The following SYT1 variants were observed in gnomAD, a reference collection of about 807,000 sequenced individuals.
SYT1 encodes the protein synaptotagmin 1.
Under a neutral mutation model 44.8 loss-of-function variants are expected in SYT1, and 8 were observed. That is an observed-to-expected ratio of 0.18 (90% CI 0.10 to 0.32). The LOEUF (loss-of-function observed/expected upper bound fraction) is 0.32. Ranked by LOEUF, SYT1 falls within the 10% of genes least tolerant of loss-of-function variation. The probability of loss-of-function intolerance (pLI) is 1.00; values close to 1 mark genes in which losing one functional copy is unlikely to be tolerated. For synonymous variants in SYT1, 154 were observed against 188.8 expected (o/e 0.82, Z 1.51); for missense variants, 286 against 509.3 (o/e 0.56, Z 4.22).
intron 8 of SYT1, among the ~76,000 whole-genome samples, chr12:79,343,990 C>T (rs1004267776): frequency 2.6e-5 from 4 of 152,088 alleles, no homozygotes; most frequent in African/African-American, 9.7e-5. Context: ...TAGTTCAGTC[C>T]AGTAAAACAG....
chr12:79,406,857 G>A (rs1441071020), intron 9 of SYT1, among the ~76,000 whole-genome samples: 1 of 152,098 alleles, frequency 6.6e-6, no homozygotes, highest in Admixed American at 6.6e-5. Flanking sequence ...GCACATGTCA[G>A]CCCTCCCGGA....
At chr12:79,280,588 T>C (rs1212207989) in intron 4 of SYT1, among the ~76,000 whole-genome samples, 4 of 151,946 alleles carry the variant, frequency 2.6e-5, no homozygotes, top group Non-Finnish European at 5.9e-5. Flanking sequence ...CTTCTCAACA[T>C]TGGTGTAGGT....
intron 9 of SYT1, among the ~76,000 whole-genome samples, chr12:79,356,802 G>C (rs1883132092): frequency 6.6e-6 from 1 of 152,162 alleles, no homozygotes; most frequent in African/African-American, 2.4e-5. Flanking sequence ...GATGCTATGA[G>C]AAATAAATGA....
chr12:79,383,080 C>T (rs977603472), intron 9 of SYT1, among the ~76,000 whole-genome samples: 1 of 152,174 alleles, frequency 6.6e-6, no homozygotes, highest in African/African-American at 2.4e-5. Flanking sequence ...GGAACAGACA[C>T]ATATACAGTC....
chr12:79,078,727 T>C (rs1450377503), intron 3 of SYT1, among the ~76,000 whole-genome samples: 2 of 152,122 alleles, frequency 1.3e-5, no homozygotes, highest in East Asian at 1.9e-4. Context: ...CAGTGTGTGT[T>C]GTTCCCTCCA....
chr12:79,150,516 A>G (rs1357247056), intron 3 of SYT1, among the ~76,000 whole-genome samples: 1 of 152,152 alleles, frequency 6.6e-6, no homozygotes, highest in African/African-American at 2.4e-5. Context: ...TAAGTTTTTG[A>G]GATGTAGTGG....
Position 79,264,183 on chromosome 12 carries a change from C to CTT in SYT1, c.167-21590_167-21589dup, listed in dbSNP as rs199984501. Among the ~76,000 whole-genome samples, 502 of 141,232 alleles carry CTT rather than the reference C, an allele frequency of 3.6e-3. 3 individuals are homozygous for CTT. Among genetic ancestry groups the CTT allele is most frequent in the African/African-American group, 0.012 (464 of 38,630 alleles). The allele number at this position is 141,232 out of a possible 152,430, so 92.7% of individuals were successfully genotyped here. A position where few individuals can be genotyped will look rare whatever the true frequency, so the allele number is the denominator to read the frequency against. ...CTGCATGAAATAATAAGCCCAGCAA[C>CTT]TTTTTTTTTTTTTTTGAGATGGAGT... On this transcript the variant is annotated intron_variant, in intron 4 of 10. Transcript: ENST00000261205.
chr12:79,352,196 CA>C lies in SYT1; in HGVS notation c.811-1296del, dbSNP rs398020269. Reference sequence around the variant, plus strand: ...GGATATAATGAATACACCCCCCCCCCAAAAAAAAAACGGGGGGGAATTACAT... The same window carrying C: ...GGATATAATGAATACACCCCCCCCCCAAAAAAAAACGGGGGGGAATTACAT... On this transcript the variant is annotated intron_variant, in intron 8 of 10. Coordinates refer to ENST00000261205, the MANE Select transcript of SYT1 (RefSeq NM_005639.3). 2.6e-3 allele frequency among the ~76,000 whole-genome samples: 336 copies of C among 128,274 alleles called. 1 individual carries two copies. Among genetic ancestry groups the C allele is most frequent in the East Asian group, 6.1e-3 (28 of 4,596 alleles). 84.2% of individuals were successfully genotyped at this position (128,274 alleles called of 152,430 possible). A position where few individuals can be genotyped will look rare whatever the true frequency, so the allele number is the denominator to read the frequency against.
chr12:79,408,462 AG>A (rs1868313814), intron 9 of SYT1, among the ~76,000 whole-genome samples: 1 of 152,172 alleles, frequency 6.6e-6, no homozygotes, highest in African/African-American at 2.4e-5. Flanking sequence ...TCGGAGATAC[AG>A]TGCACATTCT....
chr12:79,082,477 C>T (rs1877100841), intron 3 of SYT1, among the ~76,000 whole-genome samples: 1 of 152,108 alleles, frequency 6.6e-6, no homozygotes, highest in South Asian at 2.1e-4. Context: ...GACATGATCC[C>T]TATCCTCAGG....
intron 9 of SYT1, among the ~76,000 whole-genome samples, chr12:79,421,933 C>A (rs991458892): frequency 5.9e-5 from 9 of 151,942 alleles, no homozygotes; most frequent in African/African-American, 2.2e-4. Context: ...TTTGTGAATA[C>A]TTTTCCTGTT....
intron 9 of SYT1, among the ~76,000 whole-genome samples, chr12:79,361,191 A>G (rs1228387426): frequency 6.6e-6 from 1 of 152,156 alleles, no homozygotes; most frequent in Non-Finnish European, 1.5e-5. Context: ...GAGCCCAGAC[A>G]CTGTTCTAAA....
At chr12:79,327,730 A>G (rs1881667594) in intron 8 of SYT1, among the ~76,000 whole-genome samples, 1 of 152,226 alleles carries the variant, frequency 6.6e-6, no homozygotes, top group Non-Finnish European at 1.5e-5. Flanking sequence ...TGAGGAAGGG[A>G]TGATGCTATC....
At chr12:79,026,812 A>G (rs561048469) in intron 2 of SYT1, among the ~76,000 whole-genome samples, 8 of 150,566 alleles carry the variant, frequency 5.3e-5, no homozygotes, top group East Asian at 2.0e-4. Context: ...TCTTTGAGAT[A>G]CTAATTTCTT....
intron 3 of SYT1, among the ~76,000 whole-genome samples, chr12:79,145,808 A>G (rs1287462291): frequency 8.7e-5 from 13 of 150,228 alleles, no homozygotes; most frequent in Non-Finnish European, 5.9e-5. Context: ...CCCAGGCTGG[A>G]GTGCAGTGGC....
chr12:79,341,249 G>A lies in SYT1; in HGVS notation c.811-12253G>A, dbSNP rs544071467. On this transcript the variant is annotated intron_variant, in intron 8 of 10. Transcript: ENST00000261205. ...TATTAGTATTAATTATTTCAGGCTA[G>A]GCTACAATAACAAATAGGCCCAAAC... 4 of 152,184 alleles carry A rather than the reference G, an allele frequency of 2.6e-5. No homozygotes were observed. In the South Asian group the frequency reaches 8.3e-4, roughly 32 times the overall value. The allele number at this position is 152,184 out of a possible 1,614,324, so 9.4% of individuals were successfully genotyped here. A position where few individuals can be genotyped will look rare whatever the true frequency, so the allele number is the denominator to read the frequency against.
intron 1 of SYT1, among the ~76,000 whole-genome samples, chr12:78,975,468 C>T (rs1216321876): frequency 1.3e-5 from 2 of 152,080 alleles, no homozygotes; most frequent in African/African-American, 4.8e-5. Context: ...TAAAAAATGT[C>T]TTCAGTTTAC....
intron 4 of SYT1, among the ~76,000 whole-genome samples, chr12:79,279,381 A>T (rs1320786582): frequency 1.3e-5 from 2 of 152,328 alleles, no homozygotes; most frequent in African/African-American, 4.8e-5. Context: ...ACATAAGCAG[A>T]ATTAAAAATA....
chr12:79,239,940 T>C (rs1036741991), intron 4 of SYT1, among the ~76,000 whole-genome samples: 10 of 152,212 alleles, frequency 6.6e-5, no homozygotes, highest in Non-Finnish European at 1.3e-4. Flanking sequence ...AGGAAGGGCC[T>C]AGTCATGCTT....
Sources: allele counts gnomAD v4.1 joint callset (sites outside exome capture counted in the v4.1 genomes callset), GRCh38; gene constraint gnomAD v4.1.1; transcripts MANE v1.5; gene names NCBI Gene and HGNC (gene_info 2026-07-23, HGNC 2026-07-21).